The following RNF19A variants were observed in gnomAD, a reference collection of about 807,000 sequenced individuals.
The protein encoded by RNF19A is E3 ubiquitin-protein ligase RNF19A.
Under a neutral mutation model 75.7 loss-of-function variants are expected in RNF19A, and 32 were observed. The observed-to-expected ratio is 0.42, with a 90% CI of 0.32 to 0.57. RNF19A has a LOEUF of 0.57. RNF19A is among the 20% of genes least tolerant of loss of function. The pLI is 0.10. For synonymous variants in RNF19A, 335 were observed against 345.2 expected, an observed-to-expected ratio of 0.97 and a Z score of 0.33; for missense variants, 782 against 1,036.3, an observed-to-expected ratio of 0.75 and a Z score of 3.37.
chr8:100,279,390 T>G (rs926535731), intron 2 of RNF19A, among the ~76,000 whole-genome samples: 1 of 152,162 alleles, frequency 6.6e-6, no homozygotes, highest in Admixed American at 6.5e-5. Flanking sequence ...GTTTTGTTTT[T>G]TTAAGCAGAA....
rs1365974124 is a variant in RNF19A at position 100,329,856 on chromosome 8, C to T, written c.-243+6252G>A. On this transcript the variant is annotated intron_variant, in intron 1 of 3. Transcript: ENST00000519527. This position sits in a 1 kb window ranked among gnomAD's most constrained non-coding sequence, Gnocchi z 4.3. ...AAAGCAGACATTTTAAAGAATCAGACCCACATGACAATAAAATTAAATATT... is the reference window on the plus strand; with the variant it reads ...AAAGCAGACATTTTAAAGAATCAGATCCACATGACAATAAAATTAAATATT... Among the ~76,000 whole-genome samples the T allele has an allele frequency of 6.6e-6, 1 of 152,156 alleles. No homozygotes were observed. The highest frequency in any genetic ancestry group is 1.5e-5 in the Non-Finnish European group (1 of 68,028).
chr8:100,263,567 G>A (rs1297596206), intron 7 of RNF19A, among the ~76,000 whole-genome samples: 1 of 152,108 alleles, frequency 6.6e-6, no homozygotes, highest in East Asian at 1.9e-4. Flanking sequence ...TATAGAACAT[G>A]CACTTTTTAA....
rs932766236 is a variant in RNF19A at position 100,275,696 on chromosome 8, T to C, written c.675-535A>G. On this transcript the variant is annotated intron_variant, in intron 2 of 9. Transcript: ENST00000341084. The surrounding 1 kb of genome is among the most constrained non-coding windows in gnomAD (Gnocchi z 4.3). Reference sequence around the variant, plus strand: ...ACCAAAAATCTTAATAATGGTTTTCTTGGTATTGGGTTTTAATTTTCTTGT... The same window carrying C: ...ACCAAAAATCTTAATAATGGTTTTCCTGGTATTGGGTTTTAATTTTCTTGT... Among the ~76,000 whole-genome samples the C allele has an allele frequency of 2.6e-5, 4 of 152,220 alleles. No individual in the cohort carries two copies. The highest frequency in any genetic ancestry group is 6.5e-5 in the Admixed American group (1 of 15,288).
chr8:100,309,580 G>A (rs1366556109), intron 1 of RNF19A: 2 of 974,020 alleles, frequency 2.1e-6, no homozygotes, highest in East Asian at 1.1e-4. Context: ...CAGGGCTTGG[G>A]GCGGATCCCA....
chr8:100,264,078 T>A lies in RNF19A; in HGVS notation c.1424A>T (p.Asp475Val), dbSNP rs773654890. The A allele has an allele frequency of 1.2e-6, 2 of 1,613,744 alleles. No individual in the cohort carries two copies. The highest frequency in any genetic ancestry group is 2.2e-5 in the East Asian group (1 of 44,880). ...ACCAACATTTATATCATTTTCATCA[T>A]CAAATTCAATCCTAACTCCTTTTCC... is the stretch of plus-strand genomic sequence containing the variant. The part of the protein sequence containing the change: ...GNGKGVRIEF[D>V]DENDINVGGT... Residue 475 changes from aspartate (D) to valine (V), a missense_variant, in exon 7 of 10, where the codon GAT (aspartate) becomes GTT (valine). Physicochemically the swap from Asp to Val is radical, Grantham distance 152. Around this residue, in one of 7 missense-constraint regions of RNF19A, gnomAD observed 442 missense variants for 541.6 expected, o/e 0.82. Coordinates refer to ENST00000341084, the MANE Select transcript of RNF19A (RefSeq NM_183419.4). This position sits in a 1 kb window ranked among gnomAD's most constrained non-coding sequence, Gnocchi z 4.7.
chr8:100,292,433 T>TGGGG lies in RNF19A; in HGVS notation c.-93-4167_-93-4166insCCCC, dbSNP rs150468171. On this transcript the variant is annotated intron_variant, in intron 1 of 9. Transcript: ENST00000341084. ...TTTAATAAAGAGGCTTGCTATCATATGGGTGTGTGTGTGTGTGTGTGTGTG... is the reference window on the plus strand; with the variant it reads ...TTTAATAAAGAGGCTTGCTATCATATGGGGGGGTGTGTGTGTGTGTGTGTGTGTG... Among the ~76,000 whole-genome samples the TGGGG allele has an allele frequency of 4.4e-3, 623 of 140,698 alleles. 6 individuals carry two copies. Among genetic ancestry groups the TGGGG allele is most frequent in the African/African-American group, 0.015 (576 of 39,258 alleles). The allele number at this position is 140,698 out of a possible 152,430, so 92.3% of individuals were successfully genotyped here.
upstream of RNF19A, among the ~76,000 whole-genome samples, chr8:100,311,901 C>T (rs931949310): frequency 6.6e-5 from 10 of 152,090 alleles, no homozygotes; most frequent in African/African-American, 2.2e-4. Context: ...TTCTTGTCTT[C>T]CTAAAAATTA....
chr8:100,310,176 C>T, upstream of RNF19A: 4 of 985,482 alleles, frequency 4.1e-6, no homozygotes, highest in Non-Finnish European at 4.8e-6. Context: ...CGCCCCGCCC[C>T]AGCGCGCCGC....
chr8:100,269,741 T>C lies in RNF19A; in HGVS notation c.1028+128A>G. ...ACTAGCATAATAACTTGGTTTCTTT[T>C]AAATTTATTTAACTAGAATAAAACC... On this transcript the variant is annotated intron_variant, in intron 4 of 9. Transcript: ENST00000341084. The surrounding 1 kb of genome is among the most constrained non-coding windows in gnomAD (Gnocchi z 5.7). 1.6e-6 allele frequency: 1 copy of C among 618,948 alleles called. No homozygotes were observed. Among genetic ancestry groups the C allele is most frequent in the South Asian group, 3.6e-5 (1 of 27,552 alleles). The allele number at this position is 618,948 out of a possible 1,614,324, so 38.3% of individuals were successfully genotyped here. A position where few individuals can be genotyped will look rare whatever the true frequency, so the allele number is the denominator to read the frequency against.
chr8:100,301,468 C>A (rs1171514404), intron 1 of RNF19A, among the ~76,000 whole-genome samples: 1 of 152,182 alleles, frequency 6.6e-6, no homozygotes, highest in African/African-American at 2.4e-5. Context: ...CACAGTGCAA[C>A]CTCAGTTTCT....
chr8:100,318,645 G>C (rs753025478), intron 1 of RNF19A, among the ~76,000 whole-genome samples: 1 of 152,144 alleles, frequency 6.6e-6, no homozygotes, highest in Non-Finnish European at 1.5e-5. Flanking sequence ...ATTATCTAGC[G>C]AGTGAAATGA....
upstream of RNF19A, among the ~76,000 whole-genome samples, chr8:100,314,689 C>G (rs944532497): frequency 2.6e-5 from 4 of 152,196 alleles, no homozygotes; most frequent in African/African-American, 9.7e-5. The surrounding 1 kb of genome is among the most constrained non-coding windows in gnomAD (Gnocchi z 4.1). Flanking sequence ...CCCCTCCCCT[C>G]TCCTCTGCCT....
chr8:100,267,451 C>G (rs1048462050), intron 5 of RNF19A, among the ~76,000 whole-genome samples: 1 of 152,078 alleles, frequency 6.6e-6, no homozygotes, highest in Non-Finnish European at 1.5e-5. Flanking sequence ...CTCACTGCAG[C>G]CTCCACTTGC....
upstream of RNF19A, chr8:100,310,343 G>T: frequency 1.4e-6 from 1 of 716,836 alleles, no homozygotes; most frequent in Non-Finnish European, 1.7e-6. Context: ...TGTCCCTGGC[G>T]GAGGGGACTT....
chr8:100,320,630 A>G (rs1324572769), intron 1 of RNF19A, among the ~76,000 whole-genome samples: 1 of 152,236 alleles, frequency 6.6e-6, no homozygotes, highest in African/African-American at 2.4e-5. Context: ...ATGCCCATAC[A>G]TCAAGGTCCT....
In RNF19A at chr8:100,261,805, C is replaced by A; in HGVS notation, c.1469-50G>T. ...CTAAGTAAGTATGATTATCAATTTT[C>A]TCCTTCTTAAATTCCTCCATGATTT... On this transcript the variant is annotated intron_variant, in intron 7 of 9. Transcript: ENST00000341084. The surrounding 1 kb of genome is among the most constrained non-coding windows in gnomAD (Gnocchi z 4.4). The A allele has an allele frequency of 1.3e-6, 2 of 1,557,730 alleles. No individual in the cohort carries two copies. Among genetic ancestry groups the A allele is most frequent in the Non-Finnish European group, 1.8e-6 (2 of 1,128,912 alleles).
intron 1 of RNF19A, among the ~76,000 whole-genome samples, chr8:100,296,271 A>C (rs1038652010): frequency 7.2e-5 from 11 of 151,868 alleles, no homozygotes; most frequent in Non-Finnish European, 1.5e-5. Flanking sequence ...TGCCTGGCTA[A>C]TTTTTGTATT....
Position 100,260,140 on chromosome 8 carries a change from T to G in RNF19A, c.1683-143A>C. 1 of 698,194 alleles carries G rather than the reference T, an allele frequency of 1.4e-6. No individual in the cohort carries two copies. The highest frequency in any genetic ancestry group is 2.7e-5 in the East Asian group (1 of 36,376). 43.2% of individuals were successfully genotyped at this position (698,194 alleles called of 1,614,324 possible). On this transcript the variant is annotated intron_variant, in intron 8 of 9. Coordinates refer to ENST00000341084, the MANE Select transcript of RNF19A (RefSeq NM_183419.4). This position sits in a 1 kb window ranked among gnomAD's most constrained non-coding sequence, Gnocchi z 4.1. ...ATTTTTTATTTCCTTTTATTTAATT[T>G]AAATTCTACTGCAGCACACTGCATA... is the stretch of plus-strand genomic sequence containing the variant.
At chr8:100,290,314 C>G (rs909223329) in intron 1 of RNF19A, among the ~76,000 whole-genome samples, 4 of 152,164 alleles carry the variant, frequency 2.6e-5, no homozygotes, top group African/African-American at 9.7e-5. Context: ...GTTGGTCAGG[C>G]TGGCCTCGAA....
Sources: gnomAD v4.1 joint callset for allele counts (sites outside exome capture counted in the v4.1 genomes callset) on GRCh38, gnomAD v4.1.1 for gene constraint, gnomAD v4.1.1 regional missense constraint, Gnocchi (gnomAD v3.1) non-coding constraint, MANE v1.5 for transcripts, NCBI Gene and HGNC (gene_info 2026-07-23, HGNC 2026-07-21) for gene names.